The following CSGALNACT1 variants were observed in gnomAD, a reference collection of about 807,000 sequenced individuals.
The protein encoded by CSGALNACT1 is chondroitin sulfate N-acetylgalactosaminyltransferase 1.
In CSGALNACT1, 52 loss-of-function variants were observed where a neutral mutation model predicts 51.0. The ratio of observed to expected loss-of-function variants is 1.02; its 90% CI spans 0.82 to 1.29. The LOEUF is 1.29. CSGALNACT1 is among the 50% of genes most tolerant of loss of function. CSGALNACT1 has a pLI of 0.00. For synonymous variants in CSGALNACT1, 341 were observed against 254.4 expected (o/e 1.34, Z -3.24); for missense variants, 935 against 679.2 (o/e 1.38, Z -4.19).
intron 4 of CSGALNACT1, among the ~76,000 whole-genome samples, chr8:19,493,730 T>C (rs766989606): frequency 2.6e-5 from 4 of 152,256 alleles, no homozygotes; most frequent in Admixed American, 1.3e-4. Context: ...ATTCTGTTTA[T>C]TGATCCATCC....
intron 5 of CSGALNACT1, among the ~76,000 whole-genome samples, chr8:19,449,238 T>A (rs1324679734): frequency 2.0e-5 from 3 of 152,124 alleles, no homozygotes; most frequent in Non-Finnish European, 4.4e-5. Context: ...CAACTTCTAT[T>A]AAGTCTTCAA....
At chr8:19,469,798 G>A (rs781296829) in intron 4 of CSGALNACT1, among the ~76,000 whole-genome samples, 33 of 152,070 alleles carry the variant, frequency 2.2e-4, no homozygotes, top group Non-Finnish European at 4.1e-4. Flanking sequence ...GTTTTTCATC[G>A]CACATTATCT....
At chr8:19,577,587 G>C (rs1013537318) in intron 3 of CSGALNACT1, among the ~76,000 whole-genome samples, 4 of 151,038 alleles carry the variant, frequency 2.6e-5, no homozygotes, top group Non-Finnish European at 5.9e-5. Context: ...AAATAGACAA[G>C]AAAGGAAAAT....
chr8:19,577,912 C>T (rs1286421668), intron 3 of CSGALNACT1, among the ~76,000 whole-genome samples: 7 of 152,342 alleles, frequency 4.6e-5, no homozygotes, highest in Non-Finnish European at 7.3e-5. Flanking sequence ...CATGAGACAT[C>T]AGTCCAGCCC....
At chr8:19,509,621 C>CAAAAAAAAAAAAAAA (rs755422032) in intron 3 of CSGALNACT1, among the ~76,000 whole-genome samples, 1 of 56,962 alleles carries the variant, frequency 1.8e-5, no homozygotes, top group African/African-American at 6.2e-5. Context: ...GACTCTGTCT[C>CAAAAAAAAAAAAAAA]AAAAAAAAAA....
intron 5 of CSGALNACT1, 121 bp from the exon 5 acceptor site, chr8:19,440,052 G>A (rs536645408): frequency 1.3e-6 from 1 of 788,282 alleles, no homozygotes; most frequent in South Asian, 1.4e-5. Flanking sequence ...ACTTCCAGGA[G>A]AGCCGAGATG....
intron 4 of CSGALNACT1, among the ~76,000 whole-genome samples, chr8:19,492,019 C>G (rs1330817533): frequency 1.3e-5 from 2 of 152,126 alleles, no homozygotes; most frequent in African/African-American, 4.8e-5. Flanking sequence ...ATTTATTGAC[C>G]ATAAACATAT....
chr8:19,623,934 C>G (rs866270806), intron 1 of CSGALNACT1, among the ~76,000 whole-genome samples: 1 of 152,224 alleles, frequency 6.6e-6, no homozygotes, highest in Non-Finnish European at 1.5e-5. Flanking sequence ...GGAGGCTCAT[C>G]TTACAAGGTC....
At chr8:19,583,600 T>C (rs1483898751) in intron 3 of CSGALNACT1, among the ~76,000 whole-genome samples, 1 of 152,200 alleles carries the variant, frequency 6.6e-6, no homozygotes, top group East Asian at 1.9e-4. Context: ...AATAAGCAAG[T>C]ATAATTCACA....
At chr8:19,603,863 T>G (rs2050954836), upstream of CSGALNACT1, among the ~76,000 whole-genome samples, 1 of 152,166 alleles carries the variant, frequency 6.6e-6, no homozygotes, top group South Asian at 2.1e-4. Context: ...AGCTGGTACC[T>G]CCACATAATC....
intron 1 of CSGALNACT1, among the ~76,000 whole-genome samples, chr8:19,695,810 A>G (rs1446787238): frequency 1.3e-5 from 2 of 152,218 alleles, no homozygotes; most frequent in Non-Finnish European, 2.9e-5. Context: ...TTTCTCCTTC[A>G]GCGCAGGAGA....
intron 1 of CSGALNACT1, chr8:19,678,523 T>C (rs1232471920): frequency 6.6e-6 from 1 of 152,120 alleles, no homozygotes; most frequent in African/African-American, 2.4e-5. Context: ...AAAATGTAAA[T>C]AGGCTCCAGG....
intron 1 of CSGALNACT1, among the ~76,000 whole-genome samples, chr8:19,752,514 C>T (rs2065106264): frequency 6.6e-6 from 1 of 152,318 alleles, no homozygotes; most frequent in Non-Finnish European, 1.5e-5. Context: ...TTTGTGAGAA[C>T]ACACAGCCTA....
In CSGALNACT1 at chr8:19,553,640, A is replaced by ATATATATAT. The variant is rs201836569; in HGVS notation, c.-297+37519_-297+37520insATATATATA. On this transcript the variant is annotated intron_variant, in intron 3 of 9. Transcript: ENST00000454498. The stretch of plus-strand genomic sequence containing the variant: ...AAATACATATATATATATATATATA[A>ATATATATAT]AAAAATATGTCAGCCTTTCTATTAC... Among the ~76,000 whole-genome samples, 653 of 116,936 alleles carry ATATATATAT rather than the reference A, an allele frequency of 5.6e-3. 41 individuals are homozygous for ATATATATAT. Among genetic ancestry groups the ATATATATAT allele is most frequent in the African/African-American group, 0.02 (544 of 27,030 alleles). The allele number at this position is 116,936 out of a possible 152,430, so 76.7% of individuals were successfully genotyped here. A position where few individuals can be genotyped will look rare whatever the true frequency, so the allele number is the denominator to read the frequency against.
At chr8:19,439,550 T>C (rs1316592592) in intron 6 of CSGALNACT1, among the ~76,000 whole-genome samples, 1 of 152,222 alleles carries the variant, frequency 6.6e-6, no homozygotes, top group Admixed American at 6.5e-5. Flanking sequence ...CCCAGTTATA[T>C]GGAAGCTCAA....
chr8:19,590,865 G>A (rs1420005963), intron 3 of CSGALNACT1, among the ~76,000 whole-genome samples: 1 of 151,830 alleles, frequency 6.6e-6, no homozygotes, highest in Non-Finnish European at 1.5e-5. Flanking sequence ...TGGCCAGGCT[G>A]GTTTTGAACT....
At chr8:19,536,681 A>G (rs2083818556) in intron 3 of CSGALNACT1, among the ~76,000 whole-genome samples, 1 of 152,244 alleles carries the variant, frequency 6.6e-6, no homozygotes, top group Non-Finnish European at 1.5e-5. Context: ...CTACGTAAGA[A>G]AGCAAAAGAG....
chr8:19,516,313 G>A (rs1176430403), intron 3 of CSGALNACT1, among the ~76,000 whole-genome samples: 1 of 152,144 alleles, frequency 6.6e-6, no homozygotes, highest in Non-Finnish European at 1.5e-5. Context: ...GCAAGTAGCA[G>A]AGCCCAGCTT....
At chr8:19,682,898 C>T, upstream of CSGALNACT1, 1 of 356,456 alleles carries the variant, frequency 2.8e-6, no homozygotes, top group South Asian at 2.1e-5. Context: ...TGTCAAGCAA[C>T]CCCATGACCA....
Sources: gnomAD v4.1 joint callset for allele counts (sites outside exome capture counted in the v4.1 genomes callset) on GRCh38, gnomAD v4.1.1 for gene constraint, MANE v1.5 for transcripts, NCBI Gene and HGNC (gene_info 2026-07-23, HGNC 2026-07-21) for gene names.